The following STAG1 variants were observed in gnomAD, a reference collection of about 807,000 sequenced individuals.
STAG1 encodes the protein cohesin subunit SA-1.
Under a neutral mutation model 170.9 loss-of-function variants are expected in STAG1, and 26 were observed. The observed-to-expected ratio is 0.15, with a 90% CI of 0.11 to 0.21. The LOEUF is 0.21. Ranked by LOEUF, STAG1 falls within the 10% of genes least tolerant of loss-of-function variation. The pLI, the probability that STAG1 is intolerant of heterozygous loss-of-function variation, is 1.00. For synonymous variants in STAG1, 514 were observed against 497.7 expected (o/e 1.03, Z -0.44); for missense variants, 964 against 1,509.5 (o/e 0.64, Z 5.99).
chr3:136,526,660 A>G (rs184267529), intron 6 of STAG1, among the ~76,000 whole-genome samples: 176 of 152,216 alleles, frequency 1.2e-3, no homozygotes, highest in African/African-American at 2.4e-3. Flanking sequence ...TATTTTGTTC[A>G]TTAGTTGATG....
At chr3:136,399,473 A>C (rs764917742) in intron 21 of STAG1, among the ~76,000 whole-genome samples, 34 of 152,200 alleles carry the variant, frequency 2.2e-4, no homozygotes, top group Non-Finnish European at 4.0e-4. Context: ...ACAGTACATA[A>C]ACGTAATCAT....
At chr3:136,714,031 A>G (rs191819607) in intron 1 of STAG1, among the ~76,000 whole-genome samples, 1,584 of 152,070 alleles carry the variant, frequency 0.01, 11 homozygotes, top group Non-Finnish European at 0.016. Flanking sequence ...CTCAAAAAAA[A>G]CAAAAAAAGA....
chr3:136,668,540 G>A (rs1559940476), intron 1 of STAG1, among the ~76,000 whole-genome samples: 1 of 151,614 alleles, frequency 6.6e-6, no homozygotes, highest in East Asian at 1.9e-4. Context: ...AATGAAAGGA[G>A]AAAGCAAGAG....
At chr3:136,424,575 C>T (rs1291675024) in intron 16 of STAG1, among the ~76,000 whole-genome samples, 3 of 151,968 alleles carry the variant, frequency 2.0e-5, no homozygotes, top group Non-Finnish European at 4.4e-5. Flanking sequence ...GCAAGTGATC[C>T]GCCCACCTTG....
At chr3:136,499,577 T>C (rs904559535) in intron 9 of STAG1, among the ~76,000 whole-genome samples, 3 of 152,232 alleles carry the variant, frequency 2.0e-5, no homozygotes, top group Non-Finnish European at 4.4e-5. Context: ...AGGTAACAAG[T>C]ATATGTATAT....
chr3:136,580,521 CTTTTTTTTTTTT>C (rs760635116), intron 4 of STAG1, among the ~76,000 whole-genome samples: 4 of 100,356 alleles, frequency 4.0e-5, no homozygotes, highest in African/African-American at 7.7e-5. Context: ...TTGTATAATT[CTTTTTTTTTTTT>C]TTTTTTTTTT....
chr3:136,409,644 G>A (rs1477457455), intron 21 of STAG1, among the ~76,000 whole-genome samples: 1 of 152,060 alleles, frequency 6.6e-6, no homozygotes, highest in Non-Finnish European at 1.5e-5. Flanking sequence ...GCCAAAATGT[G>A]ACTACATTGA....
chr3:136,363,530 G>T, intron 25 of STAG1, 63 bp from the exon 26 acceptor site: 1 of 588,538 alleles, frequency 1.7e-6, no homozygotes, highest in Non-Finnish European at 2.8e-6. Context: ...ATAAAGAATA[G>T]GTTGGTGTCA....
In STAG1 at chr3:136,511,063, C is replaced by T. The variant is rs558118220; in HGVS notation, c.677-8284G>A. 9.2e-4 allele frequency among the ~76,000 whole-genome samples: 140 copies of T among 152,308 alleles called. No individual in the cohort carries two copies. In the South Asian group the frequency reaches 0.01, roughly 11 times the overall value. On this transcript the variant is annotated intron_variant, in intron 7 of 33. Transcript: ENST00000383202. ...CTGGGATTACAGGCATGAGCCACTG[C>T]ACCTGGCCTGAGATCTGACGGTTTT...
At chr3:136,653,546 A>G (rs1941284309) in intron 1 of STAG1, among the ~76,000 whole-genome samples, 1 of 152,148 alleles carries the variant, frequency 6.6e-6, no homozygotes, top group Non-Finnish European at 1.5e-5. Flanking sequence ...TATTCTAAAC[A>G]CTATACACAT....
chr3:136,477,690 A>C (rs2089788624), intron 9 of STAG1, among the ~76,000 whole-genome samples: 2 of 152,330 alleles, frequency 1.3e-5, no homozygotes, highest in South Asian at 4.1e-4. Context: ...TGAGAGCCTC[A>C]CAACTATTAC....
chr3:136,704,821 C>CAAAAAAAAAAA (rs67207510), intron 1 of STAG1, among the ~76,000 whole-genome samples: 5 of 51,444 alleles, frequency 9.7e-5, no homozygotes, highest in South Asian at 9.1e-4. Flanking sequence ...GTCCCTGTCT[C>CAAAAAAAAAAA]AAAAAAAAAA....
At chr3:136,594,096 A>G (rs1938310844) in intron 4 of STAG1, among the ~76,000 whole-genome samples, 1 of 152,194 alleles carries the variant, frequency 6.6e-6, no homozygotes, top group Non-Finnish European at 1.5e-5. Context: ...CATTCTATTA[A>G]TAGCTCAGAA....
At chr3:136,473,803 TAA>T (rs72041162) in intron 10 of STAG1, among the ~76,000 whole-genome samples, 166 bp from the exon 11 acceptor site, 12 of 140,896 alleles carry the variant, frequency 8.5e-5, no homozygotes, top group African/African-American at 7.9e-5. Context: ...CCCTTATATG[TAA>T]AAAAAAAAAA....
chr3:136,502,795 A>G lies in STAG1; in HGVS notation c.677-16T>C, dbSNP rs2107867364. On this transcript the variant is annotated splice_polypyrimidine_tract_variant and intron_variant, in intron 7 of 33. Transcript: ENST00000383202. ...AGCTTCATGGCTATGAAATGAAGAAATATTATAATACCTATGAATCAAAAC... is the reference window on the plus strand; with the variant it reads ...AGCTTCATGGCTATGAAATGAAGAAGTATTATAATACCTATGAATCAAAAC... 1.3e-6 allele frequency: 2 copies of G among 1,566,026 alleles called. No individual in the cohort carries two copies. Among genetic ancestry groups the G allele is most frequent in the East Asian group, 4.6e-5 (2 of 43,684 alleles).
chr3:136,555,580 G>T (rs1291135736), intron 5 of STAG1, among the ~76,000 whole-genome samples: 1 of 152,048 alleles, frequency 6.6e-6, no homozygotes, highest in Non-Finnish European at 1.5e-5. Flanking sequence ...CTACATAGGA[G>T]GCTGAGGTAG....
At chr3:136,431,652 G>GTTTT (rs769254540) in intron 16 of STAG1, among the ~76,000 whole-genome samples, 7 of 152,048 alleles carry the variant, frequency 4.6e-5, no homozygotes, top group Non-Finnish European at 1.0e-4. Flanking sequence ...TCTGGTAATG[G>GTTTT]TTTTTTACAC....
chr3:136,621,424 C>A (rs1391834726), intron 3 of STAG1, among the ~76,000 whole-genome samples: 2 of 152,048 alleles, frequency 1.3e-5, no homozygotes, highest in Non-Finnish European at 2.9e-5. Context: ...GCCAGGATAG[C>A]AATGAAACTT....
At chr3:136,375,558 G>A (rs1274422366) in intron 23 of STAG1, among the ~76,000 whole-genome samples, 2 of 152,052 alleles carry the variant, frequency 1.3e-5, no homozygotes, top group Non-Finnish European at 2.9e-5. Context: ...TTTAGAAAGA[G>A]CCATTTGAAA....
Sources: allele counts gnomAD v4.1 joint callset (sites outside exome capture counted in the v4.1 genomes callset), GRCh38; gene constraint gnomAD v4.1.1; transcripts MANE v1.5; gene names NCBI Gene and HGNC (gene_info 2026-07-23, HGNC 2026-07-21).